NPIPB6: variants seen among roughly 807,000 people sequenced by gnomAD.
NPIPB6 encodes the protein nuclear pore complex-interacting protein family member B6.
A neutral mutation model predicts 20.0 loss-of-function variants in NPIPB6; 2 were observed. The observed-to-expected ratio is 0.10, with a 90% CI of 0.04 to 0.31. NPIPB6 has a LOEUF of 0.31. NPIPB6 is among the 10% of genes least tolerant of loss of function. The pLI, the probability that NPIPB6 is intolerant of heterozygous loss-of-function variation, is 1.00. For missense variants in NPIPB6, 96 were observed against 293.7 expected (o/e 0.33, Z 4.92); for synonymous variants, 35 against 116.3 (o/e 0.30, Z 4.50).
intron 4 of NPIPB6, among the ~76,000 whole-genome samples, chr16:28,348,078 C>T (rs1490949205): frequency 8.9e-6 from 1 of 111,856 alleles, no homozygotes; most frequent in Admixed American, 1.0e-4. Flanking sequence ...CCACTGCACT[C>T]TAGCCTGGGT....
chr16:28,356,681 G>T lies in NPIPB6; in HGVS notation c.121-3620C>A, dbSNP rs1423468339. On this transcript the variant is annotated intron_variant, in intron 1 of 6. Transcript: ENST00000532254. ...TAGGGCAGGGGGGAGGGAAGGGGAC[G>T]GGGACCGGGGCGGATCTGAGTTGGG... is the stretch of plus-strand genomic sequence containing the variant. 11 of 299,434 alleles carry T rather than the reference G, an allele frequency of 3.7e-5. 3 individuals carry two copies. Among genetic ancestry groups the T allele is most frequent in the Non-Finnish European group, 5.7e-5 (10 of 176,232 alleles). 18.5% of individuals were successfully genotyped at this position (299,434 alleles called of 1,614,324 possible). A position where few individuals can be genotyped will look rare whatever the true frequency, so the allele number is the denominator to read the frequency against.
chr16:28,356,464 C>G, intron 1 of NPIPB6: 1 of 225,252 alleles, frequency 4.4e-6, no homozygotes, highest in East Asian at 1.1e-4. Context: ...AAGGCCTGAG[C>G]TGTGTAATTT....
chr16:28,358,879 C>G (rs1387266302), intron 1 of NPIPB6, among the ~76,000 whole-genome samples: 1 of 151,184 alleles, frequency 6.6e-6, no homozygotes, highest in African/African-American at 2.4e-5. Flanking sequence ...GTTAGGAGTT[C>G]GAGACCAGCC....
intron 1 of NPIPB6, among the ~76,000 whole-genome samples, chr16:28,361,433 T>C (rs1417872792): frequency 4.0e-5 from 6 of 150,592 alleles, no homozygotes; most frequent in Non-Finnish European, 7.4e-5. Flanking sequence ...GTTAAAATAA[T>C]TTTATCTTGG....
chr16:28,362,102 A>ATTTT (rs765651989), intron 1 of NPIPB6, among the ~76,000 whole-genome samples: 88 of 131,480 alleles, frequency 6.7e-4, no homozygotes, highest in African/African-American at 2.4e-3. Context: ...TTGCAGGATA[A>ATTTT]TTTTTTTTTT....
chr16:28,348,039 G>A (rs1275394196), intron 4 of NPIPB6, among the ~76,000 whole-genome samples: 7 of 119,108 alleles, frequency 5.9e-5, no homozygotes, highest in African/African-American at 2.0e-4. Context: ...GAACCTGGGA[G>A]GTGGAGGTTG....
chr16:28,356,048 CT>C (rs1167082900), intron 1 of NPIPB6, among the ~76,000 whole-genome samples: 1 of 82,042 alleles, frequency 1.2e-5, no homozygotes, highest in African/African-American at 4.2e-5. Flanking sequence ...AGGACAATTG[CT>C]TGAACCCCGG....
intron 1 of NPIPB6, among the ~76,000 whole-genome samples, chr16:28,360,281 G>T (rs1190443764): frequency 7.9e-6 from 1 of 125,846 alleles, no homozygotes; most frequent in East Asian, 2.1e-4. Flanking sequence ...AAAAATGTTG[G>T]AATTTTTACT....
At chr16:28,362,159 A>C (rs1287233213) in intron 1 of NPIPB6, among the ~76,000 whole-genome samples, 1 of 149,022 alleles carries the variant, frequency 6.7e-6, no homozygotes, top group Admixed American at 6.7e-5. Context: ...GTGCAATGGC[A>C]TGATCTCGGC....
At chr16:28,361,682 C>T (rs879915133) in intron 1 of NPIPB6, among the ~76,000 whole-genome samples, 204 of 148,780 alleles carry the variant, frequency 1.4e-3, no homozygotes, top group Middle Eastern at 0.01. Flanking sequence ...GGTTGTGCCA[C>T]TGCACTCCAG....
At chr16:28,342,810 T>G in exon 7 of NPIPB6, 1 of 1,587,846 alleles carries the variant, frequency 6.3e-7, no homozygotes, top group Non-Finnish European at 8.6e-7. Flanking sequence ...CTCTTGGGTT[T>G]GGGTGGTTTT....
intron 2 of NPIPB6, among the ~76,000 whole-genome samples, chr16:28,351,662 A>G (rs1286149783): frequency 8.2e-6 from 1 of 122,258 alleles, no homozygotes; most frequent in Non-Finnish European, 1.8e-5. Context: ...GAAAAGAAAA[A>G]AAAAAAAAAA....
intron 1 of NPIPB6, among the ~76,000 whole-genome samples, chr16:28,360,289 A>C (rs1248629921): frequency 1.6e-5 from 2 of 126,032 alleles, no homozygotes; most frequent in African/African-American, 2.7e-5. Context: ...TGGAATTTTT[A>C]CTCTTGATAT....
chr16:28,359,148 CAAGT>C (rs1412572073), intron 1 of NPIPB6, among the ~76,000 whole-genome samples: 3 of 136,732 alleles, frequency 2.2e-5, no homozygotes, highest in Admixed American at 7.3e-5. Context: ...AAGGAGAGAC[CAAGT>C]AAGTGGGGGT....
Position 28,342,696 on chromosome 16 carries a change from G to A in NPIPB6, c.1189C>T (p.Gln397Ter), listed in dbSNP as rs1267538415. 21 of 1,547,310 alleles carry A rather than the reference G, an allele frequency of 1.4e-5. No individual in the cohort carries two copies. Among genetic ancestry groups the A allele is most frequent in the East Asian group, 2.5e-5 (1 of 40,582 alleles). ...CGCCTCTTGGGTTTGGGTAATTGTT[G>A]TGCCTCGGCCTCCCTCTGCCTCTTG... Residue 397 changes from glutamine to a stop codon, truncating the protein, a stop_gained, in exon 7 of 7, where the codon CAA (glutamine) becomes TAA (stop). Coordinates refer to ENST00000532254, the Ensembl canonical transcript of NPIPB6. LOFTEE classifies it high-confidence loss of function.
At chr16:28,349,594 C>T (rs1298444234) in intron 2 of NPIPB6, among the ~76,000 whole-genome samples, 657 of 78,202 alleles carry the variant, frequency 8.4e-3, no homozygotes, top group African/African-American at 0.016. Flanking sequence ...CACACACACA[C>T]AAGAATGACA....
In NPIPB6 at chr16:28,346,278, G is replaced by A. The variant is rs1287298869; in HGVS notation, c.600-1525C>T. 8.7e-6 allele frequency: 7 copies of A among 804,756 alleles called. No homozygotes were observed. In the African/African-American group the frequency reaches 1.4e-4, roughly 16 times the overall value. The allele number at this position is 804,756 out of a possible 1,614,324, so 49.9% of individuals were successfully genotyped here. A position where few individuals can be genotyped will look rare whatever the true frequency, so the allele number is the denominator to read the frequency against. Reference sequence around the variant, plus strand: ...CCAACTCATCACAACTAACTCCATAGGAAGCAGAGGATTGCTCCTCATCTG... The same window carrying A: ...CCAACTCATCACAACTAACTCCATAAGAAGCAGAGGATTGCTCCTCATCTG... On this transcript the variant is annotated intron_variant, in intron 4 of 6. Transcript: ENST00000532254.
chr16:28,342,782 A>G (rs1439346789), exon 7 of NPIPB6: 8 of 1,595,790 alleles, frequency 5.0e-6, no homozygotes, highest in Non-Finnish European at 6.0e-6. Context: ...TGATTGTTCC[A>G]CCTCATCCAC....
At chr16:28,359,099 A>G (rs1197919371) in intron 1 of NPIPB6, among the ~76,000 whole-genome samples, 2 of 145,176 alleles carry the variant, frequency 1.4e-5, no homozygotes, top group Non-Finnish European at 3.0e-5. Flanking sequence ...AAAGAAAAAA[A>G]AAAAAAAAAG....
Sources: allele counts gnomAD v4.1 joint callset (sites outside exome capture counted in the v4.1 genomes callset), GRCh38; gene constraint gnomAD v4.1.1; transcripts MANE v1.5; gene names NCBI Gene and HGNC (gene_info 2026-07-23, HGNC 2026-07-21).